ZMYND11: variants seen among roughly 807,000 people sequenced by gnomAD.
ZMYND11 encodes the protein zinc finger MYND-type containing 11.
A neutral mutation model predicts 84.9 loss-of-function variants in ZMYND11; 9 were observed. The ratio of observed to expected loss-of-function variants is 0.11; its 90% CI spans 0.06 to 0.18. The LOEUF is 0.18. Among genes scored for constraint, ZMYND11 ranks in the 10% least tolerant of loss-of-function variants. The probability of loss-of-function intolerance (pLI) is 1.00; values close to 1 mark genes in which losing one functional copy is unlikely to be tolerated. For missense variants in ZMYND11, 409 were observed against 761.0 expected (o/e 0.54, Z 5.44); for synonymous variants, 250 against 244.1 (o/e 1.02, Z -0.23).
chr10:135,093 T>A (rs1423079975), upstream of ZMYND11: 4 of 148,186 alleles, frequency 2.7e-5, no homozygotes, highest in African/African-American at 9.8e-5. This position sits in a 1 kb window ranked among gnomAD's most constrained non-coding sequence, Gnocchi z 5.6. Flanking sequence ...CGCATCGCCA[T>A]GTGAGCGGCT....
chr10:177,110 A>G (rs782666113), intron 1 of ZMYND11, among the ~76,000 whole-genome samples: 2 of 152,190 alleles, frequency 1.3e-5, no homozygotes, highest in African/African-American at 4.8e-5. Context: ...GCTTATTGCT[A>G]TATCCCTAGA....
intron 4 of ZMYND11, among the ~76,000 whole-genome samples, chr10:230,263 A>G (rs10903692): frequency 0.25 from 38,459 of 151,978 alleles, 6,025 homozygotes; most frequent in Non-Finnish European, 0.36. Context: ...TCATGAGGTC[A>G]GGAGTTCAAG....
At chr10:154,503 G>C (rs570942312) in intron 1 of ZMYND11, among the ~76,000 whole-genome samples, 2 of 152,272 alleles carry the variant, frequency 1.3e-5, no homozygotes, top group East Asian at 3.9e-4. Context: ...GCATGGTCAC[G>C]GAGGCCCCAG....
intron 1 of ZMYND11, among the ~76,000 whole-genome samples, chr10:158,984 G>GTT (rs376931420): frequency 0.044 from 1,759 of 39,724 alleles, 143 homozygotes; most frequent in Non-Finnish European, 0.059. Flanking sequence ...AGGGTTTTTT[G>GTT]TTTTTTGTTT....
chr10:215,449 C>T (rs1946021287), intron 3 of ZMYND11, among the ~76,000 whole-genome samples: 1 of 152,062 alleles, frequency 6.6e-6, no homozygotes. Context: ...CACGTTGATA[C>T]TTTTGGTTAA....
At chr10:222,850 ATAACT>A (rs993048609) in intron 4 of ZMYND11, among the ~76,000 whole-genome samples, 2 of 152,150 alleles carry the variant, frequency 1.3e-5, no homozygotes, top group East Asian at 3.8e-4. Context: ...TTCATAGTAA[ATAACT>A]TAAACGAAAA....
chr10:236,630 CATA>C (rs1283565440), intron 4 of ZMYND11, among the ~76,000 whole-genome samples: 9 of 152,050 alleles, frequency 5.9e-5, no homozygotes, highest in South Asian at 2.1e-4. Context: ...TCAGGTACAA[CATA>C]ATATTTTAAA....
intron 2 of ZMYND11, chr10:197,810 G>A (rs1236353005): frequency 2.5e-6 from 1 of 398,136 alleles, no homozygotes; most frequent in Non-Finnish European, 4.5e-6. Flanking sequence ...TTATTGTTAT[G>A]TAATAAACAA....
intron 14 of ZMYND11, 72 bp downstream of exon 14, chr10:249,160 G>A (rs1163556924): frequency 1.3e-6 from 2 of 1,598,728 alleles, no homozygotes; most frequent in Admixed American, 1.7e-5. Context: ...TAATTCAGAA[G>A]GTAGCTGTGG....
chr10:151,051 C>G (rs1353943916), intron 1 of ZMYND11, among the ~76,000 whole-genome samples: 4 of 152,154 alleles, frequency 2.6e-5, no homozygotes, highest in Non-Finnish European at 5.9e-5. Flanking sequence ...GACATCCACA[C>G]CAAAACCCCA....
At position 209,979 on chromosome 10, in the gene ZMYND11, A is replaced by C; in HGVS notation, c.207A>C (p.Leu69=). ...AVKDGLIVET[L]TVGCKGSKAG... is the part of the protein sequence containing the mutation. The stretch of plus-strand genomic sequence containing the variant: ...AAGATGGTCTTATTGTCGAAACTCT[A>C]ACAGTGGGCTGCAAAGGTTCAAAAG... The change falls in exon 3 of 15, where the codon CTA becomes CTC. Residue 69 remains leucine, a synonymous_variant. Transcript: ENST00000381604. 1 of 1,614,126 alleles carries C rather than the reference A, an allele frequency of 6.2e-7. No individual in the cohort carries two copies. The highest frequency in any genetic ancestry group is 1.1e-5 in the South Asian group (1 of 91,070).
chr10:156,002 G>A (rs1243523648), intron 1 of ZMYND11, among the ~76,000 whole-genome samples: 1 of 152,212 alleles, frequency 6.6e-6, no homozygotes, highest in East Asian at 1.9e-4. Context: ...GCACATGAGT[G>A]CAAAAGCCTG....
In ZMYND11 at chr10:247,311, C is replaced by T. The variant is rs149830793; in HGVS notation, c.1159-87C>T. Reference sequence around the variant, plus strand: ...GCAAAAGGTAGAAATGTATTCACTTCTCACCTGTGGGTCCACTATGAGTGT... The same window carrying T: ...GCAAAAGGTAGAAATGTATTCACTTTTCACCTGTGGGTCCACTATGAGTGT... On this transcript the variant is annotated intron_variant, in intron 11 of 14. Transcript: ENST00000381604. The T allele has an allele frequency of 1.1e-4, 161 of 1,420,842 alleles. No individual in the cohort carries two copies. In the African/African-American group the frequency reaches 1.9e-3, roughly 17 times the overall value. The allele number at this position is 1,420,842 out of a possible 1,614,324, so 88.0% of individuals were successfully genotyped here.
intron 3 of ZMYND11, among the ~76,000 whole-genome samples, chr10:211,296 A>G (rs926028900): frequency 3.9e-5 from 6 of 152,074 alleles, no homozygotes; most frequent in African/African-American, 1.2e-4. Context: ...TCAAAAATCT[A>G]TCTCTTTCTA....
chr10:162,293 A>G (rs1843097875), intron 1 of ZMYND11, among the ~76,000 whole-genome samples: 1 of 152,224 alleles, frequency 6.6e-6, no homozygotes. Context: ...AAGATCACTG[A>G]TCACAGATCA....
At chr10:227,149 T>G (rs1171964187) in intron 4 of ZMYND11, among the ~76,000 whole-genome samples, 1 of 152,172 alleles carries the variant, frequency 6.6e-6, no homozygotes, top group Non-Finnish European at 1.5e-5. Context: ...TCAAAATACT[T>G]TGGTTCTACA....
At chr10:245,145 A>C (rs1424895943) in intron 10 of ZMYND11, among the ~76,000 whole-genome samples, 3 of 152,220 alleles carry the variant, frequency 2.0e-5, no homozygotes, top group South Asian at 4.1e-4. Context: ...TTAGTTTTTC[A>C]AAGTTCAGTT....
chr10:188,591 CA>C (rs57541654), intron 2 of ZMYND11, among the ~76,000 whole-genome samples: 83,093 of 120,114 alleles, frequency 0.69, 25,685 homozygotes, highest in East Asian at 0.81. Context: ...GACCCTGTCT[CA>C]AAAAAAAAAA....
intron 4 of ZMYND11, among the ~76,000 whole-genome samples, chr10:222,254 C>T (rs371447319): frequency 5.3e-5 from 8 of 152,024 alleles, no homozygotes; most frequent in African/African-American, 1.7e-4. Context: ...TGGCATTAGT[C>T]GAAAATTTCC....
Sources: gnomAD v4.1 joint callset for allele counts (sites outside exome capture counted in the v4.1 genomes callset) on GRCh38, gnomAD v4.1.1 for gene constraint, Gnocchi (gnomAD v3.1) non-coding constraint, MANE v1.5 for transcripts, NCBI Gene and HGNC (gene_info 2026-07-23, HGNC 2026-07-21) for gene names.